The following ATAD2 variants were observed in gnomAD, a reference collection of about 807,000 sequenced individuals.
ATAD2 encodes ATPase family AAA domain containing 2.
ATAD2 carries 62 observed loss-of-function variants against 168.9 expected under a neutral mutation model. That is an observed-to-expected ratio of 0.37 (90% CI 0.30 to 0.45). The LOEUF (loss-of-function observed/expected upper bound fraction) is 0.45. Ranked by LOEUF, ATAD2 falls within the 20% of genes least tolerant of loss-of-function variation. The pLI is 1.00. For synonymous variants in ATAD2, 613 were observed against 571.6 expected (o/e 1.07, Z -1.03); for missense variants, 1,419 against 1,667.8 (o/e 0.85, Z 2.60).
rs949891595 is a variant in ATAD2 at position 123,334,222 on chromosome 8, A to C, written c.3312T>G (p.Ile1104Met). The change falls in exon 23 of 28, where the codon ATT becomes ATG. Residue 1104 changes from isoleucine to methionine, a missense_variant. By Grantham distance (10) the Ile-to-Met change is conservative. Coordinates refer to ENST00000287394, the MANE Select transcript of ATAD2 (RefSeq NM_014109.4). ...TACCTCTTTTCTTTCTAGATTCCTG[A>C]ATTTCTTCACAGAGCTGCTCAAAGT... ...DEDFEQLCEE[I>M]QESRKKRGCS... 3 of 1,591,764 alleles carry C rather than the reference A, an allele frequency of 1.9e-6. No homozygotes were observed. Among genetic ancestry groups the C allele is most frequent in the Admixed American group, 3.8e-5 (2 of 53,210 alleles).
chr8:123,367,882 T>TAA (rs1353935195), intron 8 of ATAD2, among the ~76,000 whole-genome samples: 5 of 152,228 alleles, frequency 3.3e-5, no homozygotes, highest in African/African-American at 1.2e-4. Context: ...CTTACAAAGG[T>TAA]GCTGCTTCCA....
At chr8:123,396,611 T>C (rs1324290149), upstream of ATAD2, 8 of 510,202 alleles carry the variant, frequency 1.6e-5, no homozygotes, top group South Asian at 2.3e-4. Context: ...AGGCCGACAG[T>C]ATAGAGGACC....
intron 19 of ATAD2, 166 bp downstream of exon 19, chr8:123,344,718 T>A: frequency 1.4e-6 from 1 of 719,132 alleles, no homozygotes; most frequent in Non-Finnish European, 2.3e-6. Flanking sequence ...ATATACCATC[T>A]TGCCCAATGA....
chr8:123,333,114 C>A (rs562728456), intron 24 of ATAD2, among the ~76,000 whole-genome samples: 43 of 151,528 alleles, frequency 2.8e-4, no homozygotes, highest in Non-Finnish European at 5.2e-4. Context: ...AATGGCCAGG[C>A]GCAGTGGCTC....
At position 123,370,953 on chromosome 8, in the gene ATAD2, T is replaced by C. The variant is rs778874829; in HGVS notation, c.677A>G (p.Asp226Gly). 6.2e-7 allele frequency: 1 copy of C among 1,607,840 alleles called. No individual in the cohort carries two copies. The highest frequency in any genetic ancestry group is 2.2e-5 in the East Asian group (1 of 44,638). Residue 226 changes from aspartate to glycine, a missense_variant, in exon 6 of 28, where the codon GAT becomes GGT. By Grantham distance (94) the Asp-to-Gly change is moderately conservative. Around this residue, in one of 5 missense-constraint regions of ATAD2, gnomAD observed 419 missense variants for 423.5 expected, o/e 0.99. Coordinates refer to ENST00000287394, the MANE Select transcript of ATAD2 (RefSeq NM_014109.4). ...TGTTTCTTCATCAGTTCTTTGAATATCTTTCTGTTTTCCTCTTGTGTACAT... is the reference window on the plus strand; with the variant it reads ...TGTTTCTTCATCAGTTCTTTGAATACCTTTCTGTTTTCCTCTTGTGTACAT... ...LNMYTRGKQKDIQRTDEETTD... is the reference protein window; with the variant it reads ...LNMYTRGKQKGIQRTDEETTD...
At chr8:123,330,649 AC>A (rs1348936364) in intron 24 of ATAD2, among the ~76,000 whole-genome samples, 2 of 152,198 alleles carry the variant, frequency 1.3e-5, no homozygotes, top group African/African-American at 4.8e-5. Context: ...GGCGTGAGCC[AC>A]CGCGCCTGGC....
intron 20 of ATAD2, among the ~76,000 whole-genome samples, chr8:123,338,211 C>T (rs1309510210): frequency 2.0e-5 from 3 of 152,108 alleles, no homozygotes; most frequent in African/African-American, 2.4e-5. Context: ...AAAAAATTAG[C>T]TGGCGTGGTG....
intron 1 of ATAD2, among the ~76,000 whole-genome samples, chr8:123,406,015 A>G (rs1448026736): frequency 6.6e-6 from 1 of 152,236 alleles, no homozygotes; most frequent in African/African-American, 2.4e-5. Flanking sequence ...TTTTATATTA[A>G]GCAGAAACAC....
chr8:123,395,671 G>T lies in ATAD2; in HGVS notation c.171+516C>A, dbSNP rs371601264. ...TCATCCCTCCACATTATGCAACCTG[G>T]TATTATTCACTGCGCTGTTATTACG... is the stretch of plus-strand genomic sequence containing the variant. On this transcript the variant is annotated intron_variant, in intron 1 of 27. Coordinates refer to ENST00000287394, the MANE Select transcript of ATAD2 (RefSeq NM_014109.4). 1.5e-3 allele frequency among the ~76,000 whole-genome samples: 232 copies of T among 152,264 alleles called. 6 individuals are homozygous for T. In the South Asian group the frequency reaches 0.032, roughly 21 times the overall value.
upstream of ATAD2, among the ~76,000 whole-genome samples, chr8:123,398,374 G>A (rs1812951736): frequency 6.6e-6 from 1 of 151,794 alleles, no homozygotes; most frequent in South Asian, 2.1e-4. Flanking sequence ...GGTATTACAG[G>A]CGTGCACCAC....
Position 123,346,107 on chromosome 8 carries a change from G to A in ATAD2, c.2511C>T (p.Ser837=), listed in dbSNP as rs1443758685. The A allele has an allele frequency of 3.9e-6, 6 of 1,555,066 alleles. No homozygotes were observed. The East Asian group carries it at 9.8e-5, about 25-fold the overall frequency. Reference sequence around the variant, plus strand: ...TTACCTGGGCACATGTTTCTTCAGGGGATGTAGTACTAACTCCAAAAAGAA... The same window carrying A: ...TTACCTGGGCACATGTTTCTTCAGGAGATGTAGTACTAACTCCAAAAAGAA... ...IPVLFGVSTT[S]PEETCAQVIR... The change falls in exon 18 of 28, where the codon TCC becomes TCT. Residue 837 remains serine, a synonymous_variant. Transcript: ENST00000287394.
At chr8:123,358,428 TC>T (rs1337826792) in intron 11 of ATAD2, among the ~76,000 whole-genome samples, 1 of 151,910 alleles carries the variant, frequency 6.6e-6, no homozygotes, top group African/African-American at 2.4e-5. Context: ...CACTGCAACC[TC>T]CGCATCCCAG....
chr8:123,381,884 T>C (rs1421613109), intron 1 of ATAD2, among the ~76,000 whole-genome samples: 1 of 152,022 alleles, frequency 6.6e-6, no homozygotes, highest in Non-Finnish European at 1.5e-5. Flanking sequence ...CCGTCTCTAC[T>C]AAAATACAAA....
chr8:123,371,651 C>T lies in ATAD2; in HGVS notation c.536+19G>A. 1 of 1,583,268 alleles carries T rather than the reference C, an allele frequency of 6.3e-7. No homozygotes were observed. Among genetic ancestry groups the T allele is most frequent in the Non-Finnish European group, 8.6e-7 (1 of 1,167,928 alleles). ...TCTCTGACAGATAAATCATCTTGAT[C>T]TAAGGAATTTTTACTTACTTAGTTA... On this transcript the variant is annotated intron_variant, in intron 4 of 27. Coordinates refer to ENST00000287394, the MANE Select transcript of ATAD2 (RefSeq NM_014109.4).
In ATAD2 at chr8:123,340,599, G is replaced by A. The variant is rs190419509; in HGVS notation, c.2719-1153C>T. Reference sequence around the variant, plus strand: ...CACCAGATGAATGGATACAAAATGCGGTATATACATACAATGGAAAAGTAT... The same window carrying A: ...CACCAGATGAATGGATACAAAATGCAGTATATACATACAATGGAAAAGTAT... On this transcript the variant is annotated intron_variant, in intron 19 of 27. Transcript: ENST00000287394. 3.7e-3 allele frequency among the ~76,000 whole-genome samples: 565 copies of A among 152,036 alleles called. 7 individuals carry two copies. Among genetic ancestry groups the A allele is most frequent in the South Asian group, 9.3e-3 (45 of 4,818 alleles).
rs200476623 is a variant in ATAD2 at position 123,361,530 on chromosome 8, G to A, written c.1157+9C>T. The A allele has an allele frequency of 4.2e-5, 67 of 1,601,772 alleles. No homozygotes were observed. The African/African-American group carries it at 8.2e-4, about 20-fold the overall frequency. On this transcript the variant is annotated intron_variant, in intron 9 of 27. Coordinates refer to ENST00000287394, the MANE Select transcript of ATAD2 (RefSeq NM_014109.4). Reference sequence around the variant, plus strand: ...TGCTAGTTTAAAAAGGCATCAATATGGCACTTACCTATTGATAGCCCTATT... The same window carrying A: ...TGCTAGTTTAAAAAGGCATCAATATAGCACTTACCTATTGATAGCCCTATT...
chr8:123,396,076 G>A, intron 1 of ATAD2, 111 bp downstream of exon 1: 1 of 1,239,938 alleles, frequency 8.1e-7, no homozygotes, highest in South Asian at 1.6e-5. Flanking sequence ...CTTCTCCCCC[G>A]ACAACTGTCA....
chr8:123,396,610 G>A (rs1812851410), upstream of ATAD2: 1 of 512,630 alleles, frequency 2.0e-6, no homozygotes, highest in Non-Finnish European at 3.4e-6. Flanking sequence ...CAGGCCGACA[G>A]TATAGAGGAC....
chr8:123,380,361 A>T (rs1829460085), intron 2 of ATAD2, among the ~76,000 whole-genome samples, 168 bp downstream of exon 2: 2 of 152,062 alleles, frequency 1.3e-5, no homozygotes, highest in South Asian at 4.1e-4. Context: ...CCACGTATTA[A>T]TTTTTAATTT....
Sources: allele counts gnomAD v4.1 joint callset (sites outside exome capture counted in the v4.1 genomes callset), GRCh38; gene constraint gnomAD v4.1.1; regional missense constraint gnomAD v4.1.1; transcripts MANE v1.5; gene names NCBI Gene and HGNC (gene_info 2026-07-23, HGNC 2026-07-21).